CHRNA7: variants seen among roughly 807,000 people sequenced by gnomAD.
CHRNA7 encodes neuronal acetylcholine receptor subunit alpha-7.
A neutral mutation model predicts 48.0 loss-of-function variants in CHRNA7; 17 were observed. The ratio of observed to expected loss-of-function variants is 0.35; its 90% confidence interval spans 0.24 to 0.53. The LOEUF (loss-of-function observed/expected upper bound fraction) is 0.53, where lower values mean the gene tolerates loss of function less well. CHRNA7 is among the 20% of genes least tolerant of loss of function. The pLI is 0.92. For synonymous variants in CHRNA7, 75 were observed against 242.3 expected (o/e 0.31, Z 6.41); for missense variants, 155 against 577.7 (o/e 0.27, Z 7.50).
At chr15:32,142,765 T>C (rs1369778585) in intron 4 of CHRNA7, among the ~76,000 whole-genome samples, 1 of 152,272 alleles carries the variant, frequency 6.6e-6, no homozygotes, top group East Asian at 1.9e-4. Context: ...GGTGGTGATA[T>C]CCCCTTTATC....
intron 2 of CHRNA7, among the ~76,000 whole-genome samples, chr15:32,051,028 CG>C (rs1318241136): frequency 1.4e-5 from 2 of 138,848 alleles, no homozygotes. Flanking sequence ...GAGGAGTACC[CG>C]GCCGTGTGAG....
chr15:32,086,050 G>C (rs1222747513), intron 2 of CHRNA7, among the ~76,000 whole-genome samples: 1 of 152,010 alleles, frequency 6.6e-6, no homozygotes, highest in Admixed American at 6.6e-5. Context: ...AAACTCCCTT[G>C]TAATATCTTC....
At chr15:32,114,077 C>CATATATATATATATAT (rs781409368) in intron 4 of CHRNA7, among the ~76,000 whole-genome samples, 5 of 93,822 alleles carry the variant, frequency 5.3e-5, no homozygotes, top group Non-Finnish European at 1.1e-4. Context: ...TATATATATA[C>CATATATATATATATAT]ACATACATAC....
chr15:32,069,317 T>G (rs1396121090), intron 2 of CHRNA7, among the ~76,000 whole-genome samples: 4 of 152,174 alleles, frequency 2.6e-5, no homozygotes, highest in Non-Finnish European at 4.4e-5. Flanking sequence ...TCCAATGAAA[T>G]ACTAAATGAG....
At chr15:32,138,450 C>T (rs1390318030) in intron 4 of CHRNA7, among the ~76,000 whole-genome samples, 1 of 151,896 alleles carries the variant, frequency 6.6e-6, no homozygotes, top group East Asian at 1.9e-4. Context: ...TCCCAACCCC[C>T]ACCCAAGCAC....
At chr15:32,103,994 A>G (rs1595450109) in intron 3 of CHRNA7, among the ~76,000 whole-genome samples, 1 of 152,068 alleles carries the variant, frequency 6.6e-6, no homozygotes, top group African/African-American at 2.4e-5. Flanking sequence ...TCTCACCTCC[A>G]TTATTAGGAG....
intron 2 of CHRNA7, among the ~76,000 whole-genome samples, chr15:32,031,327 A>G (rs904924714): frequency 6.6e-6 from 1 of 152,210 alleles, no homozygotes; most frequent in African/African-American, 2.4e-5. Context: ...AAACTCAAGC[A>G]TCCTGAGCTG....
chr15:32,125,196 A>G (rs2051045031), intron 4 of CHRNA7, among the ~76,000 whole-genome samples: 1 of 152,250 alleles, frequency 6.6e-6, no homozygotes, highest in African/African-American at 2.4e-5. Flanking sequence ...AAGAAAGAAG[A>G]CAATAGCTGA....
intron 4 of CHRNA7, among the ~76,000 whole-genome samples, chr15:32,141,044 T>A (rs2051368913): frequency 6.6e-6 from 1 of 152,244 alleles, no homozygotes; most frequent in Admixed American, 6.5e-5. Flanking sequence ...CTAGGGTTTT[T>A]ATGGTTTTAT....
chr15:32,051,710 A>G (rs1009956073), intron 2 of CHRNA7, among the ~76,000 whole-genome samples: 10 of 152,208 alleles, frequency 6.6e-5, no homozygotes, highest in Non-Finnish European at 1.3e-4. Flanking sequence ...GGTAGCTCAG[A>G]TAGAAATGCA....
intron 2 of CHRNA7, among the ~76,000 whole-genome samples, chr15:32,081,162 G>A (rs1219113077): frequency 2.0e-5 from 3 of 152,136 alleles, no homozygotes; most frequent in African/African-American, 7.2e-5. Flanking sequence ...CAGTGGGAGA[G>A]CATCAGGAAA....
intron 2 of CHRNA7, among the ~76,000 whole-genome samples, chr15:32,052,644 G>A (rs1424331145): frequency 1.8e-4 from 28 of 152,234 alleles, no homozygotes; most frequent in African/African-American, 4.8e-4. Context: ...CAGGAGAATC[G>A]CTTGAACCCG....
intron 3 of CHRNA7, among the ~76,000 whole-genome samples, chr15:32,104,648 G>A (rs112796498): frequency 6.6e-6 from 1 of 152,042 alleles, no homozygotes; most frequent in African/African-American, 2.4e-5. Flanking sequence ...CACCTGTAGC[G>A]GGCACCAAAG....
intron 4 of CHRNA7, among the ~76,000 whole-genome samples, chr15:32,122,407 A>G (rs2050987098): frequency 6.6e-6 from 1 of 152,210 alleles, no homozygotes; most frequent in Non-Finnish European, 1.5e-5. Flanking sequence ...TCCACTACCC[A>G]TACCAATCTA....
intron 3 of CHRNA7, among the ~76,000 whole-genome samples, chr15:32,107,392 C>G (rs2050688255): frequency 6.6e-6 from 1 of 151,716 alleles, no homozygotes; most frequent in South Asian, 2.1e-4. Context: ...TGACAGAGCT[C>G]AGGAAAATAC....
At position 32,135,699 on chromosome 15, in the gene CHRNA7, C is replaced by T. The variant is rs564414657; in HGVS notation, c.351-18208C>T. Among the ~76,000 whole-genome samples, 8 of 152,202 alleles carry T rather than the reference C, an allele frequency of 5.3e-5. No homozygotes were observed. The South Asian group carries it at 8.3e-4, about 16-fold the overall frequency. On this transcript the variant is annotated intron_variant, in intron 4 of 9. Coordinates refer to ENST00000306901, the MANE Select transcript of CHRNA7 (RefSeq NM_000746.6). ...AGGATGTAATAATATTGATGAAAAACATACATCCTCAGCTTCAGGAGATAA... is the reference window on the plus strand; with the variant it reads ...AGGATGTAATAATATTGATGAAAAATATACATCCTCAGCTTCAGGAGATAA...
chr15:32,087,588 G>T lies in CHRNA7; in HGVS notation c.196-13715G>T, dbSNP rs537635349. On this transcript the variant is annotated intron_variant, in intron 2 of 9. Transcript: ENST00000306901. ...TACAGAAATATCTGTAAGTATTTCT[G>T]TATGTAACCGTATGTATCCTTATTA... 5.3e-5 allele frequency among the ~76,000 whole-genome samples: 8 copies of T among 152,266 alleles called. No homozygotes were observed. The South Asian group carries it at 1.5e-3, about 28-fold the overall frequency.
chr15:32,051,432 T>G (rs1352374891), intron 2 of CHRNA7, among the ~76,000 whole-genome samples: 1 of 152,188 alleles, frequency 6.6e-6, no homozygotes, highest in African/African-American at 2.4e-5. Flanking sequence ...TGAGACTCCA[T>G]GGGCGTAGGA....
intron 2 of CHRNA7, among the ~76,000 whole-genome samples, chr15:32,055,671 G>A (rs1356442150): frequency 6.6e-6 from 1 of 152,082 alleles, no homozygotes; most frequent in Non-Finnish European, 1.5e-5. Flanking sequence ...AGTTTTGGAG[G>A]GGTCAAACAT....
Sources: gnomAD v4.1 joint callset for allele counts (sites outside exome capture counted in the v4.1 genomes callset) on GRCh38, gnomAD v4.1.1 for gene constraint, MANE v1.5 for transcripts, NCBI Gene and HGNC (gene_info 2026-07-23, HGNC 2026-07-21) for gene names.